The following ENOX1 variants were observed in gnomAD, a reference collection of about 807,000 sequenced individuals.
The protein encoded by ENOX1 is ecto-NOX disulfide-thiol exchanger 1, also known as candidate growth-related and time keeping constitutive hydroquinone (NADH) oxidase.
In ENOX1, 42 loss-of-function variants were observed where a neutral mutation model predicts 82.5. The ratio of observed to expected loss-of-function variants is 0.51; its 90% CI spans 0.40 to 0.66. The LOEUF is 0.66. Among genes scored for constraint, ENOX1 ranks in the 30% least tolerant of loss-of-function variants. ENOX1 has a pLI of 0.00. For synonymous variants in ENOX1, 271 were observed against 282.2 expected, an observed-to-expected ratio of 0.96 and a Z score of 0.40; for missense variants, 608 against 811.6, an observed-to-expected ratio of 0.75 and a Z score of 3.05.
At chr13:43,347,723 G>A (rs1219224747) in intron 8 of ENOX1, among the ~76,000 whole-genome samples, 2 of 152,118 alleles carry the variant, frequency 1.3e-5, no homozygotes, top group Non-Finnish European at 2.9e-5. Context: ...CTATTCATGT[G>A]GAAAGAAATT....
chr13:43,714,792 T>A (rs2087997223), intron 1 of ENOX1, among the ~76,000 whole-genome samples: 1 of 152,206 alleles, frequency 6.6e-6, no homozygotes, highest in Non-Finnish European at 1.5e-5. Flanking sequence ...TCCCTTTATT[T>A]TGAGCCTATG....
intron 2 of ENOX1, among the ~76,000 whole-genome samples, chr13:43,624,595 A>C (rs2082884259): frequency 6.6e-6 from 1 of 152,076 alleles, no homozygotes. Context: ...AATGAAGTTC[A>C]TTTTTTTGCC....
intron 12 of ENOX1, among the ~76,000 whole-genome samples, chr13:43,290,580 C>G (rs950674818): frequency 6.6e-6 from 1 of 152,168 alleles, no homozygotes; most frequent in Non-Finnish European, 1.5e-5. Context: ...ATGGGAGCGA[C>G]AGACACTGTG....
intron 1 of ENOX1, among the ~76,000 whole-genome samples, chr13:43,720,546 G>A (rs1348628359): frequency 3.3e-5 from 5 of 152,156 alleles, no homozygotes; most frequent in Non-Finnish European, 5.9e-5. Flanking sequence ...TTATGGGCAT[G>A]TGACTTGTGC....
intron 3 of ENOX1, among the ~76,000 whole-genome samples, chr13:43,473,724 G>A (rs1198735859): frequency 1.3e-5 from 2 of 152,140 alleles, no homozygotes; most frequent in Admixed American, 6.5e-5. Flanking sequence ...AAAGCTGGTT[G>A]GCAATCTCCC....
At chr13:43,283,487 G>C (rs992330499) in intron 12 of ENOX1, among the ~76,000 whole-genome samples, 6 of 152,002 alleles carry the variant, frequency 3.9e-5, no homozygotes, top group Non-Finnish European at 8.8e-5. Flanking sequence ...CTGTTACCCA[G>C]GCTGGAGAAT....
intron 14 of ENOX1, among the ~76,000 whole-genome samples, chr13:43,258,703 T>G (rs1042994508): frequency 1.3e-5 from 2 of 152,164 alleles, no homozygotes; most frequent in African/African-American, 4.8e-5. Flanking sequence ...TGGCTCCTGA[T>G]TTTCCAGTTG....
chr13:43,772,749 TAAAA>T (rs35359203), intron 1 of ENOX1, among the ~76,000 whole-genome samples: 7 of 112,092 alleles, frequency 6.2e-5, no homozygotes, highest in African/African-American at 2.3e-4. Flanking sequence ...ACTCTGTCTT[TAAAA>T]AAAAAAAAAA....
At chr13:43,626,182 G>A (rs2082953585) in intron 2 of ENOX1, among the ~76,000 whole-genome samples, 2 of 151,718 alleles carry the variant, frequency 1.3e-5, no homozygotes, top group African/African-American at 4.8e-5. Context: ...GGTCTTCAGT[G>A]ACATATACAA....
chr13:43,364,370 G>C lies in ENOX1; in HGVS notation c.209-2918C>G, dbSNP rs1339634940. 2.0e-5 allele frequency among the ~76,000 whole-genome samples: 3 copies of C among 152,270 alleles called. No homozygotes were observed. The East Asian group carries it at 5.8e-4, about 29-fold the overall frequency. On this transcript the variant is annotated intron_variant, in intron 5 of 16. Coordinates refer to ENST00000690772, the MANE Select transcript of ENOX1 (RefSeq NM_001347969.2). ...TCACAGCAAGAAAGAATCCAATTAC[G>C]TATACAGTAGAACTTTATCACAACT...
At chr13:43,493,345 T>G (rs754361041) in intron 2 of ENOX1, among the ~76,000 whole-genome samples, 1 of 152,190 alleles carries the variant, frequency 6.6e-6, no homozygotes, top group African/African-American at 2.4e-5. Context: ...GAGAAGCTGA[T>G]AGCAAGGCTC....
intron 12 of ENOX1, among the ~76,000 whole-genome samples, chr13:43,290,206 C>G (rs2045921809): frequency 6.6e-6 from 1 of 152,168 alleles, no homozygotes; most frequent in Non-Finnish European, 1.5e-5. Flanking sequence ...TCATTCGACC[C>G]AGCAAGGCCA....
At chr13:43,324,136 C>T (rs1428593939) in intron 10 of ENOX1, among the ~76,000 whole-genome samples, 2 of 152,174 alleles carry the variant, frequency 1.3e-5, no homozygotes, top group African/African-American at 4.8e-5. Flanking sequence ...GTGGGTGTCA[C>T]ATGTGATTAG....
At chr13:43,665,707 C>CTTTAAA (rs1276430530) in intron 2 of ENOX1, among the ~76,000 whole-genome samples, 1,979 of 151,790 alleles carry the variant, frequency 0.013, 42 homozygotes, top group African/African-American at 0.045. Context: ...ATAAAAACCC[C>CTTTAAA]ATCTGCTACT....
intron 2 of ENOX1, among the ~76,000 whole-genome samples, chr13:43,524,356 C>T (rs1425859468): frequency 6.6e-6 from 1 of 152,128 alleles, no homozygotes; most frequent in Non-Finnish European, 1.5e-5. Flanking sequence ...TGTTCCTCTC[C>T]AGGCTCCTAT....
chr13:43,397,463 T>G (rs920047055), intron 5 of ENOX1, among the ~76,000 whole-genome samples: 2 of 152,206 alleles, frequency 1.3e-5, no homozygotes, highest in African/African-American at 4.8e-5. Flanking sequence ...TCATTTTTCC[T>G]GCTGAGATGG....
intron 2 of ENOX1, among the ~76,000 whole-genome samples, chr13:43,667,194 A>C (rs2085023146): frequency 6.6e-6 from 1 of 152,216 alleles, no homozygotes; most frequent in South Asian, 2.1e-4. Context: ...AAAGATGAAC[A>C]ATGGTAGTAC....
intron 2 of ENOX1, among the ~76,000 whole-genome samples, chr13:43,583,426 C>G (rs1157207163): frequency 6.6e-6 from 1 of 152,214 alleles, no homozygotes; most frequent in Non-Finnish European, 1.5e-5. Context: ...ATAGATGACA[C>G]AGTTTTCTCT....
intron 1 of ENOX1, among the ~76,000 whole-genome samples, chr13:43,762,868 G>A (rs2153835975): frequency 6.6e-6 from 1 of 152,284 alleles, no homozygotes; most frequent in African/African-American, 2.4e-5. Context: ...AATGTAATTA[G>A]AAAGGTGTCT....
Sources: gnomAD v4.1 joint callset for allele counts (sites outside exome capture counted in the v4.1 genomes callset) on GRCh38, gnomAD v4.1.1 for gene constraint, MANE v1.5 for transcripts, NCBI Gene and HGNC (gene_info 2026-07-23, HGNC 2026-07-21) for gene names.